Variants in ASB18 observed in about 807,000 individuals in gnomAD.
ASB18 encodes ankyrin repeat and SOCS box containing 18.
In ASB18, 33 loss-of-function variants were observed where a neutral mutation model predicts 33.4. That is an observed-to-expected ratio of 0.99 (90% CI 0.75 to 1.32). The LOEUF is 1.32. Ranked by LOEUF, ASB18 falls within the 40% of genes most tolerant of loss-of-function variation. The pLI is 0.00. For missense variants in ASB18, 694 were observed against 655.5 expected (o/e 1.06, Z -0.64); for synonymous variants, 295 against 307.6 (o/e 0.96, Z 0.43).
rs555220369 is a variant in ASB18 at position 236,235,939 on chromosome 2, C to T, written c.596+1750G>A. The stretch of plus-strand genomic sequence containing the variant: ...GAACTCCCGGACTCAAGTGATCTGC[C>T]TGTCTCAGCCTCCCAAAGTGTTGGG... On this transcript the variant is annotated intron_variant, in intron 3 of 5. Transcript: ENST00000409749. This position sits in a 1 kb window ranked among gnomAD's most constrained non-coding sequence, Gnocchi z 6.2. Among the ~76,000 whole-genome samples, 1 of 152,304 alleles carries T rather than the reference C, an allele frequency of 6.6e-6. No individual in the cohort carries two copies. The highest frequency in any genetic ancestry group is 2.1e-4 in the South Asian group (1 of 4,822).
In ASB18 at chr2:236,216,505, G is replaced by A. The variant is rs1168295959; in HGVS notation, c.597-1639C>T. Among the ~76,000 whole-genome samples, 1 of 152,082 alleles carries A rather than the reference G, an allele frequency of 6.6e-6. No individual in the cohort carries two copies. Among genetic ancestry groups the A allele is most frequent in the African/African-American group, 2.4e-5 (1 of 41,390 alleles). The stretch of plus-strand genomic sequence containing the variant: ...AGTTAGTCGTCTTTGGCTTATTTGG[G>A]GTCTTGCTCTAGATGACTTGCTTCT... On this transcript the variant is annotated intron_variant, in intron 3 of 5. Coordinates refer to ENST00000409749, the MANE Select transcript of ASB18 (RefSeq NM_212556.4). The surrounding 1 kb of genome is among the most constrained non-coding windows in gnomAD (Gnocchi z 6.1).
chr2:236,264,335 G>A lies in ASB18; in HGVS notation c.11C>T (p.Ser4Leu), dbSNP rs769363208. 6 of 1,613,776 alleles carry A rather than the reference G, an allele frequency of 3.7e-6. No homozygotes were observed. Among genetic ancestry groups the A allele is most frequent in the Middle Eastern group, 1.6e-4 (1 of 6,080 alleles). Reference protein sequence around the residue: MSNSDYLPDYPLNS... With the variant: MSNLDYLPDYPLNS... Reference sequence around the variant, plus strand: ...GAGTGGGTAGTCGGGAAGGTAATCCGAGTTGGACATTGTTACGTCGTTTCT... The same window carrying A: ...GAGTGGGTAGTCGGGAAGGTAATCCAAGTTGGACATTGTTACGTCGTTTCT... Residue 4 changes from serine (S) to leucine (L), a missense_variant, in exon 1 of 6, where the codon TCG becomes TTG. Transcript: ENST00000409749. The surrounding 1 kb of genome is among the most constrained non-coding windows in gnomAD (Gnocchi z 5.1).
chr2:236,210,554 CTCTTTACAG>C (rs1241294170), intron 4 of ASB18: 2 of 152,236 alleles, frequency 1.3e-5, no homozygotes, highest in African/African-American at 4.8e-5. Flanking sequence ...AGAGTCTGAA[CTCTTTACAG>C]TCACCTGCAG....
Position 236,222,043 on chromosome 2 carries a change from C to G in ASB18, c.597-7177G>C, listed in dbSNP as rs1484855239. ...AACAGAGCCGTGTTTTCTAACGAAG[C>G]TGCTGCAGGAAGGTTTCCTCCTGTG... On this transcript the variant is annotated intron_variant, in intron 3 of 5. Coordinates refer to ENST00000409749, the MANE Select transcript of ASB18 (RefSeq NM_212556.4). This position sits in a 1 kb window ranked among gnomAD's most constrained non-coding sequence, Gnocchi z 5.5. Among the ~76,000 whole-genome samples the G allele has an allele frequency of 6.6e-6, 1 of 152,120 alleles. No individual in the cohort carries two copies. The highest frequency in any genetic ancestry group is 1.9e-4 in the East Asian group (1 of 5,162).
chr2:236,235,658 C>T lies in ASB18; in HGVS notation c.596+2031G>A, dbSNP rs533655374. Among the ~76,000 whole-genome samples, 4 of 152,162 alleles carry T rather than the reference C, an allele frequency of 2.6e-5. No homozygotes were observed. Among genetic ancestry groups the T allele is most frequent in the Non-Finnish European group, 5.9e-5 (4 of 68,020 alleles). On this transcript the variant is annotated intron_variant, in intron 3 of 5. Coordinates refer to ENST00000409749, the MANE Select transcript of ASB18 (RefSeq NM_212556.4). This position sits in a 1 kb window ranked among gnomAD's most constrained non-coding sequence, Gnocchi z 6.2. ...CTGGAACATGCAGACATCGCTGGTG[C>T]GGATGTAAAATGGTACAACTTTCAA... is the stretch of plus-strand genomic sequence containing the variant.
Position 236,262,887 on chromosome 2 carries a change from G to T in ASB18, c.205+1254C>A, listed in dbSNP as rs112868596. 1.1e-3 allele frequency among the ~76,000 whole-genome samples: 8 copies of T among 7,062 alleles called. No homozygotes were observed. The South Asian group carries it at 0.027, about 24-fold the overall frequency. 4.6% of individuals were successfully genotyped at this position (7,062 alleles called of 152,430 possible). ...CCAGAAAGTAGACCCAAACCAAGGG[G>T]GGGGGGCGGACCCCCTCGGAAGTTC... On this transcript the variant is annotated intron_variant, in intron 1 of 5. Coordinates refer to ENST00000409749, the MANE Select transcript of ASB18 (RefSeq NM_212556.4). The surrounding 1 kb of genome is among the most constrained non-coding windows in gnomAD (Gnocchi z 5.2).
rs1031993453 is a variant in ASB18, at chr2:236,231,216, ATTGTC to A, written c.596+6468_596+6472del. Among the ~76,000 whole-genome samples, 3 of 152,172 alleles carry A rather than the reference ATTGTC, an allele frequency of 2.0e-5. No homozygotes were observed. The highest frequency in any genetic ancestry group is 4.4e-5 in the Non-Finnish European group (3 of 68,024). On this transcript the variant is annotated intron_variant, in intron 3 of 5. Coordinates refer to ENST00000409749, the MANE Select transcript of ASB18 (RefSeq NM_212556.4). This position sits in a 1 kb window ranked among gnomAD's most constrained non-coding sequence, Gnocchi z 5.5. ...TCCATCTTGCAAGCAGATTGTCTCT[ATTGTC>A]TTCTCAGCTTGCATACTTTGATGAA...
chr2:236,211,856 C>T lies in ASB18; in HGVS notation c.1101+2506G>A, dbSNP rs2060460099. On this transcript the variant is annotated intron_variant, in intron 4 of 5. Coordinates refer to ENST00000409749, the MANE Select transcript of ASB18 (RefSeq NM_212556.4). This position sits in a 1 kb window ranked among gnomAD's most constrained non-coding sequence, Gnocchi z 5.0. ...AATGCATCCTCATCCACCATCCTCT[C>T]CTGGCCAGGTGTAGGGGTACCCACT... Among the ~76,000 whole-genome samples, 1 of 152,150 alleles carries T rather than the reference C, an allele frequency of 6.6e-6. No individual in the cohort carries two copies. Among genetic ancestry groups the T allele is most frequent in the African/African-American group, 2.4e-5 (1 of 41,438 alleles).
At chr2:236,202,814 T>TATATATATATACACACAC (rs1472095135) in intron 4 of ASB18, among the ~76,000 whole-genome samples, 3,519 of 123,986 alleles carry the variant, frequency 0.028, 105 homozygotes, top group South Asian at 0.052. Flanking sequence ...TATATATATA[T>TATATATATATACACACAC]ACACACACCT....
chr2:236,254,880 G>A (rs1255914558), intron 1 of ASB18, among the ~76,000 whole-genome samples: 1 of 152,058 alleles, frequency 6.6e-6, no homozygotes, highest in Non-Finnish European at 1.5e-5. Flanking sequence ...TCATGGGGGC[G>A]GAGTTCCCAG....
Position 236,264,374 on chromosome 2 carries a change from C to A in ASB18, c.-29G>T. On this transcript the variant is annotated 5_prime_UTR_variant, in exon 1 of 6. In the 5' UTR this introduces an upstream ATG that the reference lacks. Coordinates refer to ENST00000409749, the MANE Select transcript of ASB18 (RefSeq NM_212556.4). This position sits in a 1 kb window ranked among gnomAD's most constrained non-coding sequence, Gnocchi z 5.1. ...TACGTCGTTTCTGCAGTGACCAGCC[C>A]TTCTTTTCTTCCTCTAAAGCGACTC... is the stretch of plus-strand genomic sequence containing the variant. The A allele has an allele frequency of 6.3e-7, 1 of 1,593,250 alleles. No homozygotes were observed. Among genetic ancestry groups the A allele is most frequent in the Non-Finnish European group, 8.6e-7 (1 of 1,161,334 alleles).
chr2:236,239,085 G>A lies in ASB18; in HGVS notation c.329-1129C>T, dbSNP rs757660081. Among the ~76,000 whole-genome samples, 23 of 152,186 alleles carry A rather than the reference G, an allele frequency of 1.5e-4. No homozygotes were observed. Among genetic ancestry groups the A allele is most frequent in the Admixed American group, 2.6e-4 (4 of 15,284 alleles). On this transcript the variant is annotated intron_variant, in intron 2 of 5. Transcript: ENST00000409749. This position sits in a 1 kb window ranked among gnomAD's most constrained non-coding sequence, Gnocchi z 5.6. ...GCCCCAGGGACATGGACCTGCATGG[G>A]TTTGAGCTGCCCTTCCCAGTGAAGA...
chr2:236,211,304 C>T lies in ASB18; in HGVS notation c.1101+3058G>A, dbSNP rs1289207049. 6.6e-6 allele frequency among the ~76,000 whole-genome samples: 1 copy of T among 152,238 alleles called. No individual in the cohort carries two copies. Among genetic ancestry groups the T allele is most frequent in the Non-Finnish European group, 1.5e-5 (1 of 68,038 alleles). The stretch of plus-strand genomic sequence containing the variant: ...CCTGCCCCCAGTGTTAACTAGCGGT[C>T]AGCCAGGCAGAAAGGCCTGGCACTG... On this transcript the variant is annotated intron_variant, in intron 4 of 5. Coordinates refer to ENST00000409749, the MANE Select transcript of ASB18 (RefSeq NM_212556.4). This position sits in a 1 kb window ranked among gnomAD's most constrained non-coding sequence, Gnocchi z 5.0.
rs577955204 is a variant in ASB18, at chr2:236,238,673, C to T, written c.329-717G>A. Among the ~76,000 whole-genome samples, 20 of 151,722 alleles carry T rather than the reference C, an allele frequency of 1.3e-4. No individual in the cohort carries two copies. In the South Asian group the frequency reaches 4.0e-3, roughly 30 times the overall value. On this transcript the variant is annotated intron_variant, in intron 2 of 5. Transcript: ENST00000409749. This position sits in a 1 kb window ranked among gnomAD's most constrained non-coding sequence, Gnocchi z 5.2. ...AGGGATGAATGGAGCAGGTGCTATA[C>T]ATTTTTACTTCTCTGAAAACTTTGG...
rs955872590 is a variant in ASB18, at chr2:236,253,231, G to A, written c.205+10910C>T. On this transcript the variant is annotated intron_variant, in intron 1 of 5. Coordinates refer to ENST00000409749, the MANE Select transcript of ASB18 (RefSeq NM_212556.4). This position sits in a 1 kb window ranked among gnomAD's most constrained non-coding sequence, Gnocchi z 5.4. Reference sequence around the variant, plus strand: ...CAGCAGAAGAGGCAGATGTGCAAACGCCAGGAAGGGACTGCGGACTGAGGT... The same window carrying A: ...CAGCAGAAGAGGCAGATGTGCAAACACCAGGAAGGGACTGCGGACTGAGGT... Among the ~76,000 whole-genome samples, 2 of 152,174 alleles carry A rather than the reference G, an allele frequency of 1.3e-5. No individual in the cohort carries two copies. Among genetic ancestry groups the A allele is most frequent in the South Asian group, 2.1e-4 (1 of 4,826 alleles).
chr2:236,257,935 C>T lies in ASB18; in HGVS notation c.205+6206G>A, dbSNP rs997965172. Among the ~76,000 whole-genome samples, 3 of 152,230 alleles carry T rather than the reference C, an allele frequency of 2.0e-5. No homozygotes were observed. Among genetic ancestry groups the T allele is most frequent in the Non-Finnish European group, 2.9e-5 (2 of 68,042 alleles). The stretch of plus-strand genomic sequence containing the variant: ...GGGAGAGCTCTTGGAGATGCTCTCA[C>T]CTGTTCTCCAGGGAACAGCAGGGAC... On this transcript the variant is annotated intron_variant, in intron 1 of 5. Coordinates refer to ENST00000409749, the MANE Select transcript of ASB18 (RefSeq NM_212556.4). The surrounding 1 kb of genome is among the most constrained non-coding windows in gnomAD (Gnocchi z 5.5).
chr2:236,202,794 AAT>A (rs35425799), intron 4 of ASB18, among the ~76,000 whole-genome samples: 1,242 of 117,620 alleles, frequency 0.011, 33 homozygotes, highest in African/African-American at 0.024. Flanking sequence ...AAAAAAAAAA[AAT>A]ATATATATAT....
chr2:236,201,919 CA>C (rs1210416317), intron 4 of ASB18, among the ~76,000 whole-genome samples: 1 of 144,996 alleles, frequency 6.9e-6, no homozygotes, highest in African/African-American at 2.6e-5. Context: ...TATAAAAGTA[CA>C]TTTTTTTTTG....
rs1263080370 is a variant in ASB18, at chr2:236,196,172, A to G, written c.1215+100T>C. 2 of 731,884 alleles carry G rather than the reference A, an allele frequency of 2.7e-6. No homozygotes were observed. Among genetic ancestry groups the G allele is most frequent in the Admixed American group, 2.0e-5 (1 of 49,824 alleles). The allele number at this position is 731,884 out of a possible 1,614,324, so 45.3% of individuals were successfully genotyped here. On this transcript the variant is annotated intron_variant, in intron 5 of 5. Transcript: ENST00000409749. This position sits in a 1 kb window ranked among gnomAD's most constrained non-coding sequence, Gnocchi z 5.6. Reference sequence around the variant, plus strand: ...TTCCCATTCTTCCTTTTTCAGATGTATAATACTTAGCCGAATATCAGTGCA... The same window carrying G: ...TTCCCATTCTTCCTTTTTCAGATGTGTAATACTTAGCCGAATATCAGTGCA...
Sources: gnomAD v4.1 joint callset for allele counts (sites outside exome capture counted in the v4.1 genomes callset) on GRCh38, gnomAD v4.1.1 for gene constraint, Gnocchi (gnomAD v3.1) non-coding constraint, MANE v1.5 for transcripts, NCBI Gene and HGNC (gene_info 2026-07-23, HGNC 2026-07-21) for gene names.